FRY: variants seen among roughly 807,000 people sequenced by gnomAD.
The protein encoded by FRY is protein furry homolog.
FRY carries 128 observed loss-of-function variants against 348.4 expected under a neutral mutation model. That is an observed-to-expected ratio of 0.37 (90% CI 0.32 to 0.43). The LOEUF (loss-of-function observed/expected upper bound fraction) is 0.43, where lower values mean the gene tolerates loss of function less well. Among genes scored for constraint, FRY ranks in the 20% least tolerant of loss-of-function variants. The pLI, the probability that FRY is intolerant of heterozygous loss-of-function variation, is 1.00. For synonymous variants in FRY, 1,370 were observed against 1,374.7 expected (o/e 1.00, Z 0.08); for missense variants, 2,736 against 3,695.2 (o/e 0.74, Z 6.73).
intron 1 of FRY, among the ~76,000 whole-genome samples, chr13:32,033,767 C>T (rs1872364057): frequency 6.6e-6 from 1 of 152,220 alleles, no homozygotes; most frequent in Non-Finnish European, 1.5e-5. Flanking sequence ...AAGTTGGTGG[C>T]TTTCCAGCAT....
chr13:32,292,790 CAATAAATA>C (rs111702874), intron 59 of FRY, among the ~76,000 whole-genome samples: 62 of 141,016 alleles, frequency 4.4e-4, no homozygotes, highest in East Asian at 8.3e-4. Flanking sequence ...GACTCCATCT[CAATAAATA>C]AATAAATAAA....
chr13:32,228,426 C>A (rs368098013), intron 39 of FRY, 30 bp from the exon 40 acceptor site: 2 of 1,537,912 alleles, frequency 1.3e-6, no homozygotes, highest in East Asian at 2.2e-5. Context: ...CTGCCTAGTA[C>A]ATCCCTCCTT....
intron 11 of FRY, among the ~76,000 whole-genome samples, chr13:32,146,338 T>C (rs1001049224): frequency 2.0e-5 from 3 of 152,136 alleles, no homozygotes; most frequent in African/African-American, 4.8e-5. Context: ...GTTTTTGTTT[T>C]TGTTTCTGTT....
intron 3 of FRY, among the ~76,000 whole-genome samples, chr13:32,110,794 A>G (rs566256900): frequency 6.6e-6 from 1 of 152,312 alleles, no homozygotes; most frequent in Admixed American, 6.5e-5. Context: ...TTGAAGTATT[A>G]TTTCAACTTT....
chr13:32,163,467 C>CTG (rs1221181739), intron 17 of FRY, among the ~76,000 whole-genome samples: 1 of 152,154 alleles, frequency 6.6e-6, no homozygotes, highest in African/African-American at 2.4e-5. Flanking sequence ...TACCTCAGGA[C>CTG]TGTTGCGAGG....
intron 17 of FRY, among the ~76,000 whole-genome samples, chr13:32,168,174 C>T (rs574942985): frequency 2.0e-5 from 3 of 152,250 alleles, no homozygotes; most frequent in Admixed American, 2.0e-4. Flanking sequence ...GTCTGAAGGC[C>T]GGCATGCTAG....
At chr13:32,102,866 G>C (rs142251001) in intron 3 of FRY, among the ~76,000 whole-genome samples, 1 of 152,170 alleles carries the variant, frequency 6.6e-6, no homozygotes, top group African/African-American at 2.4e-5. Context: ...TGGTGCCAAC[G>C]TCAGACACAA....
chr13:32,198,301 A>G (rs1049233507), intron 29 of FRY, among the ~76,000 whole-genome samples: 1 of 152,188 alleles, frequency 6.6e-6, no homozygotes, highest in Non-Finnish European at 1.5e-5. Context: ...ATATTTGTAT[A>G]TATATAAATG....
chr13:32,109,091 G>A (rs752398126), intron 3 of FRY, among the ~76,000 whole-genome samples: 16 of 152,108 alleles, frequency 1.1e-4, no homozygotes, highest in African/African-American at 2.4e-4. Flanking sequence ...AGCTAAAGGG[G>A]CCTAAACTAA....
chr13:32,188,239 C>A (rs1005657278), intron 28 of FRY, among the ~76,000 whole-genome samples: 1 of 152,056 alleles, frequency 6.6e-6, no homozygotes, highest in Non-Finnish European at 1.5e-5. Context: ...TTTTCGAAGT[C>A]TTTGCTTACT....
At chr13:32,214,677 A>G (rs1298662234) in intron 35 of FRY, among the ~76,000 whole-genome samples, 1 of 152,156 alleles carries the variant, frequency 6.6e-6, no homozygotes, top group Non-Finnish European at 1.5e-5. Context: ...AAGCTGTCCA[A>G]CCACCACCAG....
chr13:32,169,771 C>G (rs980501139), intron 17 of FRY, among the ~76,000 whole-genome samples: 5 of 152,120 alleles, frequency 3.3e-5, no homozygotes, highest in Non-Finnish European at 2.9e-5. Flanking sequence ...TTAGGAGGGT[C>G]TCTCTTAAAA....
chr13:32,114,559 C>A (rs369763268), intron 3 of FRY, among the ~76,000 whole-genome samples: 1 of 152,104 alleles, frequency 6.6e-6, no homozygotes, highest in African/African-American at 2.4e-5. Context: ...ACCACATGAA[C>A]GTTTAGTCAT....
chr13:32,040,307 TTA>T (rs1290372595), intron 1 of FRY, among the ~76,000 whole-genome samples: 2 of 152,364 alleles, frequency 1.3e-5, no homozygotes, highest in Non-Finnish European at 2.9e-5. Flanking sequence ...TGTTTTTCTG[TTA>T]TTTTTCTGTG....
intron 1 of FRY, among the ~76,000 whole-genome samples, chr13:32,047,720 A>G (rs378850): frequency 0.63 from 95,553 of 151,460 alleles, 30,358 homozygotes; most frequent in Non-Finnish European, 0.64. Context: ...ATAGGCACGC[A>G]CCACCACTCC....
At chr13:32,227,092 A>G (rs544550765) in intron 39 of FRY, among the ~76,000 whole-genome samples, 1 of 152,344 alleles carries the variant, frequency 6.6e-6, no homozygotes, top group South Asian at 2.1e-4. Context: ...TGCATTTATT[A>G]TACCACTGAT....
Position 32,210,955 on chromosome 13 carries a change from G to C in FRY, c.4512G>C (p.Val1504=). Residue 1504 remains valine (V), a synonymous_variant, in exon 34 of 61, where the codon GTG becomes GTC. Transcript: ENST00000542859. ...TTGAGCTGCAGCAGACAGAGCCCGT[G>C]AACCCCATCGTCCAGCATTGTGACA... The part of the protein sequence containing the change: ...LLFELQQTEP[V]NPIVQHCDNP... The C allele has an allele frequency of 1.2e-6, 2 of 1,613,956 alleles. No individual in the cohort carries two copies. The highest frequency in any genetic ancestry group is 1.7e-6 in the Non-Finnish European group (2 of 1,179,876).
intron 53 of FRY, among the ~76,000 whole-genome samples, chr13:32,262,720 T>C (rs1323517616): frequency 6.6e-6 from 1 of 152,228 alleles, no homozygotes; most frequent in African/African-American, 2.4e-5. Context: ...CTTTTTAAAA[T>C]GAGACATTTT....
rs894796315 is a variant in FRY at position 32,194,385 on chromosome 13, A to C, written c.3746+88A>C. On this transcript the variant is annotated intron_variant, in intron 29 of 60. Coordinates refer to ENST00000542859, the MANE Select transcript of FRY (RefSeq NM_023037.3). ...AATGACGGAGAGCTGTTTTGCAACTATATGAGCAAAGTAAGTTCTATGAGA... is the reference window on the plus strand; with the variant it reads ...AATGACGGAGAGCTGTTTTGCAACTCTATGAGCAAAGTAAGTTCTATGAGA... The C allele has an allele frequency of 4.3e-6, 5 of 1,171,522 alleles. No individual in the cohort carries two copies. In the African/African-American group the frequency reaches 7.5e-5, roughly 18 times the overall value. The allele number at this position is 1,171,522 out of a possible 1,614,324, so 72.6% of individuals were successfully genotyped here.
Sources: gnomAD v4.1 joint callset for allele counts (sites outside exome capture counted in the v4.1 genomes callset) on GRCh38, gnomAD v4.1.1 for gene constraint, MANE v1.5 for transcripts, NCBI Gene and HGNC (gene_info 2026-07-23, HGNC 2026-07-21) for gene names.